Variants in BCAR3 observed in about 807,000 individuals in gnomAD.
The protein encoded by BCAR3 is BCAR3 adaptor protein, NSP family member, also known as breast cancer anti-estrogen resistance protein 3.
Under a neutral mutation model 80.1 loss-of-function variants are expected in BCAR3, and 37 were observed. The ratio of observed to expected loss-of-function variants is 0.46; its 90% confidence interval spans 0.36 to 0.61. The LOEUF (loss-of-function observed/expected upper bound fraction) is 0.61. Ranked by LOEUF, BCAR3 falls within the 20% of genes least tolerant of loss-of-function variation. BCAR3 has a pLI of 0.00. For missense variants in BCAR3, 978 were observed against 1,068.2 expected (o/e 0.92, Z 1.18); for synonymous variants, 389 against 418.9 (o/e 0.93, Z 0.87).
rs3068793 is a variant in BCAR3 at position 93,800,575 on chromosome 1, C to CTAAA, written c.-63+44988_-63+44991dup. 8.8e-3 allele frequency among the ~76,000 whole-genome samples: 1,325 copies of CTAAA among 150,596 alleles called. 14 individuals are homozygous for CTAAA. Among genetic ancestry groups the CTAAA allele is most frequent in the African/African-American group, 0.027 (1,112 of 40,666 alleles). The stretch of plus-strand genomic sequence containing the variant: ...TGGGTGACAGAGTGAGACTCTGTCT[C>CTAAA]TAAATAAATAAATAAATAAATAAAT... On this transcript the variant is annotated intron_variant, in intron 2 of 13. Coordinates refer to the BCAR3 transcript ENST00000370244.
chr1:93,830,390 A>T (rs1654517615), intron 2 of BCAR3, among the ~76,000 whole-genome samples: 1 of 152,180 alleles, frequency 6.6e-6, no homozygotes, highest in Non-Finnish European at 1.5e-5. Context: ...GCCTGAAGTA[A>T]CTGAAGAATC....
chr1:93,767,470 G>T (rs1430524438), intron 2 of BCAR3, among the ~76,000 whole-genome samples: 2 of 151,254 alleles, frequency 1.3e-5, no homozygotes, highest in African/African-American at 4.9e-5. Context: ...GCTGCAGTGA[G>T]CCGTGATCAC....
At chr1:93,696,190 G>A (rs1351810243) in intron 3 of BCAR3, among the ~76,000 whole-genome samples, 8 of 152,072 alleles carry the variant, frequency 5.3e-5, no homozygotes, top group Non-Finnish European at 2.9e-5. Context: ...GAGCCACTGT[G>A]CCCAGCTCTG....
At position 93,592,539 on chromosome 1, in the gene BCAR3, G is replaced by T; in HGVS notation, c.358-146C>A. On this transcript the variant is annotated intron_variant, in intron 3 of 11. Transcript: ENST00000260502. This position sits in a 1 kb window ranked among gnomAD's most constrained non-coding sequence, Gnocchi z 4.8. ...GGAGCCTGGATAATGATTACAAAGA[G>T]CTGTGACCTTTCGTTTCTCCGGCCG... 1.7e-6 allele frequency: 2 copies of T among 1,150,426 alleles called. No individual in the cohort carries two copies. The highest frequency in any genetic ancestry group is 2.4e-6 in the Non-Finnish European group (2 of 834,428). 71.3% of individuals were successfully genotyped at this position (1,150,426 alleles called of 1,614,324 possible).
chr1:93,643,095 C>T (rs185692322), intron 2 of BCAR3, among the ~76,000 whole-genome samples: 2,477 of 151,186 alleles, frequency 0.016, 27 homozygotes, highest in Non-Finnish European at 0.022. Flanking sequence ...GGTGTGGTGG[C>T]GCATGTCTGT....
At chr1:93,777,366 T>TTCCTCC (rs1168565738) in intron 2 of BCAR3, among the ~76,000 whole-genome samples, 1 of 145,330 alleles carries the variant, frequency 6.9e-6, no homozygotes, top group Non-Finnish European at 1.5e-5. Flanking sequence ...CCTCCTCTTC[T>TTCCTCC]TCTTCTTCCT....
chr1:93,777,363 T>TTCC lies in BCAR3; in HGVS notation c.-63+68203_-63+68204insGGA, dbSNP rs1553171391. Among the ~76,000 whole-genome samples the TTCC allele has an allele frequency of 1.9e-4, 25 of 129,888 alleles. No individual in the cohort carries two copies. The East Asian group carries it at 2.4e-3, about 12-fold the overall frequency. The allele number at this position is 129,888 out of a possible 152,430, so 85.2% of individuals were successfully genotyped here. A position where few individuals can be genotyped will look rare whatever the true frequency, so the allele number is the denominator to read the frequency against. ...TTCTTCTGCTTTCTTCTTCCTCCTC[T>TTCC]TCTTCTTCTTCCTCCTCTTCTTCTT... On this transcript the variant is annotated intron_variant, in intron 2 of 13. Coordinates refer to the BCAR3 transcript ENST00000370244.
intron 2 of BCAR3, among the ~76,000 whole-genome samples, chr1:93,642,634 G>T (rs909465195): frequency 1.2e-4 from 19 of 152,232 alleles, no homozygotes; most frequent in Admixed American, 1.1e-3. Context: ...CTGAAGCATA[G>T]AGCTCAGGGG....
chr1:93,817,633 T>C (rs1654065566), intron 2 of BCAR3, among the ~76,000 whole-genome samples: 1 of 152,192 alleles, frequency 6.6e-6, no homozygotes, highest in Admixed American at 6.5e-5. Flanking sequence ...TGCTTCTCCA[T>C]GTCATCTCTG....
intron 9 of BCAR3, among the ~76,000 whole-genome samples, chr1:93,570,199 C>G (rs1370054906): frequency 6.6e-6 from 1 of 152,158 alleles, no homozygotes; most frequent in African/African-American, 2.4e-5. Flanking sequence ...GGTGACCTTG[C>G]TTTAATGCAA....
intron 2 of BCAR3, among the ~76,000 whole-genome samples, chr1:93,826,582 C>G (rs1654380403): frequency 1.3e-5 from 2 of 152,168 alleles, no homozygotes; most frequent in South Asian, 4.1e-4. Flanking sequence ...GGAAGTGATC[C>G]TCATGCTGCC....
At chr1:93,626,167 G>A (rs1425237710) in intron 3 of BCAR3, among the ~76,000 whole-genome samples, 1 of 152,118 alleles carries the variant, frequency 6.6e-6, no homozygotes, top group Non-Finnish European at 1.5e-5. Context: ...CCACTGCAAG[G>A]AACAGGCCCA....
chr1:93,589,079 C>T lies in BCAR3; in HGVS notation c.827G>A (p.Gly276Asp). Residue 276 changes from glycine to aspartate, a missense_variant, in exon 5 of 12, where the codon GGC becomes GAC. Gly to Asp is a moderately conservative substitution (Grantham distance 94, BLOSUM62 -1). Transcript: ENST00000260502. The stretch of plus-strand genomic sequence containing the variant: ...ATCCGGCCTTCCCTTGGTGAGGCTG[C>T]CCTCCCGGGCCTGGCCTGGGGAGGT... ...YGTSPGQARE[G>D]SLTKGRPDVA... The T allele has an allele frequency of 7.4e-6, 12 of 1,612,254 alleles. No homozygotes were observed. The highest frequency in any genetic ancestry group is 1.0e-5 in the Non-Finnish European group (12 of 1,179,018).
At chr1:93,834,741 A>G (rs1654703733) in intron 2 of BCAR3, among the ~76,000 whole-genome samples, 1 of 152,152 alleles carries the variant, frequency 6.6e-6, no homozygotes, top group South Asian at 2.1e-4. Context: ...TCTTCCTCAC[A>G]TCTGATGCAC....
intron 3 of BCAR3, among the ~76,000 whole-genome samples, chr1:93,632,421 T>C (rs1675653364): frequency 6.6e-6 from 1 of 152,208 alleles, no homozygotes; most frequent in African/African-American, 2.4e-5. Flanking sequence ...ACTTCAAATT[T>C]TGAAATGTGA....
intron 3 of BCAR3, among the ~76,000 whole-genome samples, chr1:93,624,797 T>C (rs1046438212): frequency 1.3e-5 from 2 of 152,232 alleles, no homozygotes; most frequent in Admixed American, 6.5e-5. Flanking sequence ...TCTCCAAAAA[T>C]AGTTCAGAAC....
At chr1:93,846,424 C>T (rs947142390) in intron 1 of BCAR3, among the ~76,000 whole-genome samples, 20 of 152,220 alleles carry the variant, frequency 1.3e-4, no homozygotes, top group African/African-American at 3.6e-4. Flanking sequence ...GGCGTTCGGT[C>T]TCGCCGCTGC....
intron 2 of BCAR3, among the ~76,000 whole-genome samples, chr1:93,650,884 T>C (rs1398003132): frequency 6.6e-6 from 1 of 152,112 alleles, no homozygotes; most frequent in African/African-American, 2.4e-5. Context: ...AATTGTGAAA[T>C]AGCAGGATAC....
At chr1:93,611,148 G>A (rs1049155439) in intron 3 of BCAR3, among the ~76,000 whole-genome samples, 2 of 152,142 alleles carry the variant, frequency 1.3e-5, no homozygotes, top group African/African-American at 2.4e-5. Context: ...AGACTCCAAT[G>A]AGACAAGATG....
Sources: allele counts gnomAD v4.1 joint callset (sites outside exome capture counted in the v4.1 genomes callset), GRCh38; gene constraint gnomAD v4.1.1; non-coding constraint Gnocchi (gnomAD v3.1); transcripts MANE v1.5; gene names NCBI Gene and HGNC (gene_info 2026-07-23, HGNC 2026-07-21).